MYO16: variants seen among roughly 807,000 people sequenced by gnomAD.
The protein encoded by MYO16 is unconventional myosin-XVI.
Under a neutral mutation model 205.3 loss-of-function variants are expected in MYO16, and 94 were observed. The ratio of observed to expected loss-of-function variants is 0.46; its 90% CI spans 0.39 to 0.54. The LOEUF is 0.54. Among genes scored for constraint, MYO16 ranks in the 20% least tolerant of loss-of-function variants. The pLI, the probability that MYO16 is intolerant of heterozygous loss-of-function variation, is 0.00. For synonymous variants in MYO16, 988 were observed against 954.0 expected (o/e 1.04, Z -0.66); for missense variants, 2,315 against 2,387.5 (o/e 0.97, Z 0.63).
intron 2 of MYO16, among the ~76,000 whole-genome samples, chr13:108,681,835 C>T (rs1422038124): frequency 3.9e-5 from 6 of 152,244 alleles, no homozygotes; most frequent in Non-Finnish European, 5.9e-5. Flanking sequence ...ACTCTTTATC[C>T]GTATAACTAC....
intron 30 of MYO16, among the ~76,000 whole-genome samples, chr13:109,126,885 T>A (rs188921308): frequency 6.6e-6 from 1 of 152,190 alleles, no homozygotes; most frequent in Non-Finnish European, 1.5e-5. Flanking sequence ...TAACTCTCTA[T>A]TAAGATGGAT....
chr13:108,772,953 T>C (rs1886015960), intron 4 of MYO16, among the ~76,000 whole-genome samples: 2 of 152,142 alleles, frequency 1.3e-5, no homozygotes, highest in South Asian at 4.1e-4. Flanking sequence ...CTGGGTGGCT[T>C]ATAAACAACA....
At chr13:108,729,932 G>T (rs932013129) in intron 4 of MYO16, among the ~76,000 whole-genome samples, 1 of 152,288 alleles carries the variant, frequency 6.6e-6, no homozygotes, top group East Asian at 1.9e-4. Context: ...CTGAATTGAT[G>T]AACCAAATTA....
At chr13:108,602,244 C>T (rs770196821) in intron 1 of MYO16, among the ~76,000 whole-genome samples, 55 of 152,038 alleles carry the variant, frequency 3.6e-4, no homozygotes, top group Admixed American at 2.4e-3. Context: ...CTCAGGCATT[C>T]TCTTTTAGGA....
intron 4 of MYO16, among the ~76,000 whole-genome samples, chr13:108,755,631 A>G (rs1885398945): frequency 6.6e-6 from 1 of 151,966 alleles, no homozygotes; most frequent in Non-Finnish European, 1.5e-5. Flanking sequence ...GTTTCGTTCA[A>G]ATGTAGTGAC....
chr13:108,714,331 A>C (rs1883849558), intron 3 of MYO16, among the ~76,000 whole-genome samples: 2 of 152,232 alleles, frequency 1.3e-5, no homozygotes, highest in African/African-American at 4.8e-5. Context: ...CTGGGATTAC[A>C]GGCGTGAGCC....
Position 108,834,306 on chromosome 13 carries a change from CA to C in MYO16, c.1098-10032del, listed in dbSNP as rs566225527. ...GTCCTTTATAGGCTCCTGTGCTCCA[CA>C]AAAACTGGGAAATATGTGGGCTATG... On this transcript the variant is annotated intron_variant, in intron 9 of 34. Transcript: ENST00000457511. Among the ~76,000 whole-genome samples the C allele has an allele frequency of 7.4e-3, 1,129 of 152,180 alleles. 9 individuals are homozygous for C. Among genetic ancestry groups the C allele is most frequent in the Middle Eastern group, 0.037 (11 of 294 alleles).
chr13:109,202,394 A>T (rs1031853012), intron 34 of MYO16, among the ~76,000 whole-genome samples: 1 of 152,168 alleles, frequency 6.6e-6, no homozygotes, highest in African/African-American at 2.4e-5. Context: ...GATAATGGCT[A>T]TTCTTGTGGG....
chr13:108,768,089 C>T (rs1267436922), intron 4 of MYO16, among the ~76,000 whole-genome samples: 3 of 152,150 alleles, frequency 2.0e-5, no homozygotes, highest in Non-Finnish European at 4.4e-5. Flanking sequence ...GAGTAATAAA[C>T]CTGAGATTCC....
At chr13:108,788,481 G>A (rs1240268197) in intron 5 of MYO16, among the ~76,000 whole-genome samples, 1 of 152,146 alleles carries the variant, frequency 6.6e-6, no homozygotes, top group East Asian at 1.9e-4. Flanking sequence ...GGAGCACCCA[G>A]GACAAAAGAT....
chr13:108,686,196 G>A (rs762201551), intron 2 of MYO16, among the ~76,000 whole-genome samples: 29 of 152,170 alleles, frequency 1.9e-4, no homozygotes, highest in Admixed American at 2.6e-4. Flanking sequence ...CCGCCTTGAT[G>A]AGCATCCCTG....
chr13:108,598,962 G>T (rs1878661362), intron 1 of MYO16, among the ~76,000 whole-genome samples: 1 of 147,674 alleles, frequency 6.8e-6, no homozygotes, highest in Non-Finnish European at 1.5e-5. Flanking sequence ...TCGTCATTTA[G>T]CATTAGGTAT....
chr13:108,644,103 T>A (rs1463004675), intron 1 of MYO16, among the ~76,000 whole-genome samples: 1 of 152,234 alleles, frequency 6.6e-6, no homozygotes, highest in African/African-American at 2.4e-5. Flanking sequence ...CCTCTTTCTT[T>A]ACCTGGCTCT....
chr13:108,587,245 G>C, the MYO16 span, among the ~76,000 whole-genome samples: 2 of 152,188 alleles, frequency 1.3e-5, no homozygotes, highest in Non-Finnish European at 2.9e-5. Context: ...GAGGAGTCTG[G>C]CATCTCATTG....
At chr13:108,508,651 A>T in the MYO16 span, among the ~76,000 whole-genome samples, 1 of 152,106 alleles carries the variant, frequency 6.6e-6, no homozygotes, top group Non-Finnish European at 1.5e-5. Context: ...GAGAGAAGCT[A>T]TGAGTTGAGA....
At position 108,757,001 on chromosome 13, in the gene MYO16, C is replaced by G. The variant is rs557457191; in HGVS notation, c.508-28634C>G. Among the ~76,000 whole-genome samples, 55 of 152,262 alleles carry G rather than the reference C, an allele frequency of 3.6e-4. 1 individual carries two copies. The highest frequency in any genetic ancestry group is 2.7e-3 in the Admixed American group (41 of 15,296). On this transcript the variant is annotated intron_variant, in intron 4 of 34. Transcript: ENST00000457511. Reference sequence around the variant, plus strand: ...CCCTTGGTGTATCTGTTCTTTAAATCACAATGAAGATGTTGAAATAGAATG... The same window carrying G: ...CCCTTGGTGTATCTGTTCTTTAAATGACAATGAAGATGTTGAAATAGAATG...
At chr13:109,110,682 T>C (rs557295568) in intron 28 of MYO16, among the ~76,000 whole-genome samples, 1 of 152,376 alleles carries the variant, frequency 6.6e-6, no homozygotes, top group East Asian at 1.9e-4. Context: ...AGAATTTTTC[T>C]ATTTAGTAGC....
intron 16 of MYO16, among the ~76,000 whole-genome samples, chr13:108,937,739 CTGAT>C (rs1251383667): frequency 1.3e-5 from 2 of 152,156 alleles, no homozygotes; most frequent in Non-Finnish European, 2.9e-5. Context: ...TTTAGAATCT[CTGAT>C]TGATTTCTTT....
intron 20 of MYO16, among the ~76,000 whole-genome samples, chr13:108,984,996 T>C (rs1209241045): frequency 6.6e-6 from 1 of 152,228 alleles, no homozygotes; most frequent in African/African-American, 2.4e-5. Context: ...CATTAATATT[T>C]CCTTGAAAAG....
Sources: allele counts gnomAD v4.1 joint callset (sites outside exome capture counted in the v4.1 genomes callset), GRCh38; gene constraint gnomAD v4.1.1; transcripts MANE v1.5; gene names NCBI Gene and HGNC (gene_info 2026-07-23, HGNC 2026-07-21).